CTNNA3: variants seen among roughly 807,000 people sequenced by gnomAD.
CTNNA3 encodes the protein catenin alpha-3.
Under a neutral mutation model 95.7 loss-of-function variants are expected in CTNNA3, and 76 were observed. The observed-to-expected ratio is 0.79, with a 90% CI of 0.66 to 0.96. CTNNA3 has a LOEUF of 0.96. Among genes scored for constraint, CTNNA3 ranks in the 40% least tolerant of loss-of-function variants. CTNNA3 has a pLI of 0.00. For synonymous variants in CTNNA3, 431 were observed against 374.4 expected (o/e 1.15, Z -1.74); for missense variants, 1,191 against 1,089.8 (o/e 1.09, Z -1.31).
intron 13 of CTNNA3, among the ~76,000 whole-genome samples, chr10:66,199,089 T>C (rs2087145901): frequency 6.6e-6 from 1 of 152,142 alleles, no homozygotes; most frequent in Non-Finnish European, 1.5e-5. Flanking sequence ...TGTTCCTTGA[T>C]GCTAACATGA....
rs564918074 is a variant in CTNNA3, at chr10:66,651,756, G to A, written c.1282-29972C>T. ...GCCTGCTGTGCTGGCCTGCGGCTCC[G>A]AGTGCGGGGCCAGCCAAGCCCACGC... On this transcript the variant is annotated intron_variant, in intron 9 of 17. Transcript: ENST00000433211. Among the ~76,000 whole-genome samples, 156 of 129,890 alleles carry A rather than the reference G, an allele frequency of 1.2e-3. 1 individual carries two copies. Among genetic ancestry groups the A allele is most frequent in the African/African-American group, 4.3e-3 (145 of 33,526 alleles). 85.2% of individuals were successfully genotyped at this position (129,890 alleles called of 152,430 possible). A position where few individuals can be genotyped will look rare whatever the true frequency, so the allele number is the denominator to read the frequency against.
intron 13 of CTNNA3, among the ~76,000 whole-genome samples, chr10:66,167,227 G>T (rs1341597828): frequency 1.3e-5 from 2 of 152,074 alleles, no homozygotes; most frequent in Non-Finnish European, 2.9e-5. Context: ...TTTAAAGCAG[G>T]TAATTCCACC....
At position 67,338,240 on chromosome 10, in the gene CTNNA3, A is replaced by G. The variant is rs78535857; in HGVS notation, c.580-118370T>C. 0.018 allele frequency among the ~76,000 whole-genome samples: 2,706 copies of G among 152,252 alleles called. 208 individuals are homozygous for G. The East Asian group carries it at 0.24, about 13-fold the overall frequency. ...TGAGGGCTTCAGTGAGCTTACAGTC[A>G]TGGCAGAAGGAAAGGGAAGCTGGCT... is the stretch of plus-strand genomic sequence containing the variant. On this transcript the variant is annotated intron_variant, in intron 5 of 17. Transcript: ENST00000433211.
chr10:66,253,899 T>C (rs963251798), intron 13 of CTNNA3, among the ~76,000 whole-genome samples: 2 of 152,140 alleles, frequency 1.3e-5, no homozygotes, highest in Non-Finnish European at 2.9e-5. Flanking sequence ...TCTCTGATGG[T>C]TGCAAGAGGA....
intron 7 of CTNNA3, among the ~76,000 whole-genome samples, chr10:66,912,115 G>T (rs549363251): frequency 2.0e-5 from 3 of 152,218 alleles, no homozygotes; most frequent in African/African-American, 7.2e-5. Context: ...TGCATCATCA[G>T]AAGATTACAG....
chr10:65,980,526 C>CAA lies in CTNNA3; in HGVS notation c.2265+8164_2265+8165dup, dbSNP rs765928337. ...GTAACAAAACCAGGGAAGGACATAA[C>CAA]AAAAAAAAAAAAGAAAAGAAAACTA... On this transcript the variant is annotated intron_variant, in intron 16 of 17. Coordinates refer to ENST00000433211, the MANE Select transcript of CTNNA3 (RefSeq NM_013266.4). Among the ~76,000 whole-genome samples, 462 of 116,794 alleles carry CAA rather than the reference C, an allele frequency of 4.0e-3. 3 individuals carry two copies. Among genetic ancestry groups the CAA allele is most frequent in the Non-Finnish European group, 6.1e-3 (330 of 54,424 alleles). 76.6% of individuals were successfully genotyped at this position (116,794 alleles called of 152,430 possible). A position where few individuals can be genotyped will look rare whatever the true frequency, so the allele number is the denominator to read the frequency against.
At chr10:66,771,398 C>G (rs758003512) in intron 8 of CTNNA3, among the ~76,000 whole-genome samples, 5 of 151,850 alleles carry the variant, frequency 3.3e-5, no homozygotes, top group Non-Finnish European at 5.9e-5. Context: ...GAGAGAGTTG[C>G]AATAGGTATA....
rs1048422709 is a variant in CTNNA3 at position 65,947,740 on chromosome 10, T to C, written c.2400+18872A>G. Among the ~76,000 whole-genome samples the C allele has an allele frequency of 2.0e-5, 3 of 152,262 alleles. No individual in the cohort carries two copies. In the East Asian group the frequency reaches 5.8e-4, roughly 29 times the overall value. ...TCACTGAGAATTGGTAGCTGTTTGT[T>C]ACCACAGCATAACCTAGCCTAAATT... is the stretch of plus-strand genomic sequence containing the variant. On this transcript the variant is annotated intron_variant, in intron 17 of 17. Coordinates refer to ENST00000433211, the MANE Select transcript of CTNNA3 (RefSeq NM_013266.4).
rs748094407 is a variant in CTNNA3, at chr10:67,250,631, T to C, written c.580-30761A>G. Among the ~76,000 whole-genome samples, 4 of 152,242 alleles carry C rather than the reference T, an allele frequency of 2.6e-5. No individual in the cohort carries two copies. In the East Asian group the frequency reaches 7.7e-4, roughly 29 times the overall value. ...CCTCATGTATACAGAGGGATGCCTG[T>C]ATATTTCAGCCACTGTTGGTTGAAT... is the stretch of plus-strand genomic sequence containing the variant. On this transcript the variant is annotated intron_variant, in intron 5 of 17. Transcript: ENST00000433211.
At chr10:66,072,368 C>T (rs942814347) in intron 14 of CTNNA3, among the ~76,000 whole-genome samples, 1 of 151,338 alleles carries the variant, frequency 6.6e-6, no homozygotes, top group African/African-American at 2.4e-5. Context: ...TATTGTTTTT[C>T]TCTGTCTTCA....
intron 7 of CTNNA3, among the ~76,000 whole-genome samples, chr10:66,851,384 G>A (rs1424235504): frequency 6.6e-6 from 1 of 152,128 alleles, no homozygotes; most frequent in Non-Finnish European, 1.5e-5. Flanking sequence ...CCTGAAAAAC[G>A]CTGTTTTTTA....
At chr10:67,556,337 T>C (rs187619550) in intron 3 of CTNNA3, among the ~76,000 whole-genome samples, 1,590 of 152,340 alleles carry the variant, frequency 0.01, 30 homozygotes, top group African/African-American at 0.036. Context: ...TAGTACCAGC[T>C]CCTTTTTGTA....
At chr10:66,854,474 T>C (rs182457441) in intron 7 of CTNNA3, among the ~76,000 whole-genome samples, 3 of 151,980 alleles carry the variant, frequency 2.0e-5, no homozygotes, top group Admixed American at 2.0e-4. Flanking sequence ...CATATATATA[T>C]ATGTACAAAT....
At chr10:67,679,974 G>A (rs934497209) in intron 1 of CTNNA3, among the ~76,000 whole-genome samples, 4 of 152,194 alleles carry the variant, frequency 2.6e-5, no homozygotes, top group Admixed American at 2.6e-4. Context: ...GCATTAATAA[G>A]GGACTGGTTA....
intron 5 of CTNNA3, among the ~76,000 whole-genome samples, chr10:67,501,806 A>C (rs1564696931): frequency 6.6e-6 from 1 of 152,060 alleles, no homozygotes; most frequent in African/African-American, 2.4e-5. Flanking sequence ...TGTGTTTTTC[A>C]GCTCCATCAG....
chr10:66,259,506 C>G (rs899366539), intron 13 of CTNNA3, among the ~76,000 whole-genome samples: 3 of 152,112 alleles, frequency 2.0e-5, no homozygotes, highest in Non-Finnish European at 4.4e-5. Context: ...AGAGGCAAAA[C>G]TTCTTATCTG....
At chr10:66,651,206 G>T (rs187804217) in intron 9 of CTNNA3, among the ~76,000 whole-genome samples, 6 of 152,124 alleles carry the variant, frequency 3.9e-5, no homozygotes, top group African/African-American at 9.7e-5. Context: ...GTGCTGATTG[G>T]TGCATTTAAA....
At chr10:66,280,239 C>T (rs1405017468) in intron 13 of CTNNA3, among the ~76,000 whole-genome samples, 1 of 152,076 alleles carries the variant, frequency 6.6e-6, no homozygotes, top group Non-Finnish European at 1.5e-5. Flanking sequence ...CTTTTCTGCA[C>T]ACGCAGCAGT....
At chr10:67,380,015 C>A (rs1437598526) in intron 5 of CTNNA3, among the ~76,000 whole-genome samples, 3 of 102,148 alleles carry the variant, frequency 2.9e-5, no homozygotes, top group Admixed American at 1.0e-4. Context: ...AGTGAGACTC[C>A]GTCTCAAAAA....
Sources: allele counts gnomAD v4.1 joint callset (sites outside exome capture counted in the v4.1 genomes callset), GRCh38; gene constraint gnomAD v4.1.1; transcripts MANE v1.5; gene names NCBI Gene and HGNC (gene_info 2026-07-23, HGNC 2026-07-21).